LHFPL6: variants seen among roughly 807,000 people sequenced by gnomAD.
LHFPL6 encodes the protein LHFPL tetraspan subfamily member 6, also known as LHFPL tetraspan subfamily member 6 protein.
In LHFPL6, 9 loss-of-function variants were observed where a neutral mutation model predicts 20.6. The ratio of observed to expected loss-of-function variants is 0.44; its 90% CI spans 0.26 to 0.76. LHFPL6 has a LOEUF of 0.76. Ranked by LOEUF, LHFPL6 falls within the 30% of genes least tolerant of loss-of-function variation. LHFPL6 has a pLI of 0.20. For synonymous variants in LHFPL6, 105 were observed against 98.7 expected (o/e 1.06, Z -0.38); for missense variants, 218 against 253.5 (o/e 0.86, Z 0.95).
At chr13:39,526,680 C>T (rs1212001003) in intron 2 of LHFPL6, among the ~76,000 whole-genome samples, 1 of 152,168 alleles carries the variant, frequency 6.6e-6, no homozygotes, top group Non-Finnish European at 1.5e-5. Context: ...AACAGCATCT[C>T]CTGAAGTCAA....
intron 2 of LHFPL6, among the ~76,000 whole-genome samples, chr13:39,486,142 C>T (rs1022182899): frequency 7.9e-5 from 12 of 152,138 alleles, no homozygotes; most frequent in Non-Finnish European, 2.9e-5. Flanking sequence ...GCAGGTCTCA[C>T]TCTCTTTCTT....
In LHFPL6 at chr13:39,343,881, C is replaced by T. The variant is rs921758961; in HGVS notation, c.*55G>A. ...TTTGAAGGTAGGTGGATGTTTTGAC[C>T]TCTCCAAGCCCCTTTGGCCCATCTT... On this transcript the variant is annotated 3_prime_UTR_variant, in exon 4 of 4. Coordinates refer to ENST00000379589, the MANE Select transcript of LHFPL6 (RefSeq NM_005780.3). The T allele has an allele frequency of 5.1e-6, 7 of 1,364,124 alleles. No individual in the cohort carries two copies. In the African/African-American group the frequency reaches 7.1e-5, roughly 14 times the overall value. 84.5% of individuals were successfully genotyped at this position (1,364,124 alleles called of 1,614,324 possible). A position where few individuals can be genotyped will look rare whatever the true frequency, so the allele number is the denominator to read the frequency against.
At chr13:39,589,167 C>T (rs1457220955) in intron 2 of LHFPL6, among the ~76,000 whole-genome samples, 3 of 152,008 alleles carry the variant, frequency 2.0e-5, no homozygotes, top group South Asian at 2.1e-4. Flanking sequence ...AGTGCAGTGG[C>T]GCCACCTCGG....
chr13:39,554,331 CT>C (rs1401493015), intron 2 of LHFPL6, among the ~76,000 whole-genome samples: 2 of 152,114 alleles, frequency 1.3e-5, no homozygotes, highest in African/African-American at 4.8e-5. Context: ...ATTCTTTTGC[CT>C]CTTTAATATA....
intron 2 of LHFPL6, among the ~76,000 whole-genome samples, chr13:39,530,621 AC>A: frequency 6.6e-6 from 1 of 152,288 alleles, no homozygotes; most frequent in South Asian, 2.1e-4. Flanking sequence ...GGATAAAATA[AC>A]CATTGGATGA....
intron 2 of LHFPL6, among the ~76,000 whole-genome samples, chr13:39,507,048 G>A (rs1389825901): frequency 6.6e-6 from 1 of 152,140 alleles, no homozygotes; most frequent in South Asian, 2.1e-4. Flanking sequence ...AAAGCTGTTC[G>A]GGTTATCCAA....
intron 2 of LHFPL6, among the ~76,000 whole-genome samples, chr13:39,587,030 G>A (rs959886576): frequency 1.7e-4 from 26 of 152,122 alleles, no homozygotes; most frequent in Non-Finnish European, 3.2e-4. Context: ...GGTGGCATGC[G>A]CCTGTAATCC....
chr13:39,519,100 G>A (rs1377929122), intron 2 of LHFPL6, among the ~76,000 whole-genome samples: 9 of 152,168 alleles, frequency 5.9e-5, no homozygotes, highest in Admixed American at 1.3e-4. Flanking sequence ...GCAGGGCGTG[G>A]TGGTGAGCGC....
intron 2 of LHFPL6, among the ~76,000 whole-genome samples, chr13:39,419,531 A>G (rs377738517): frequency 9.8e-4 from 150 of 152,348 alleles, no homozygotes; most frequent in African/African-American, 3.4e-3. Flanking sequence ...GTGAAATAAG[A>G]GTTGAATTAG....
At chr13:39,523,953 G>GA (rs1003948294) in intron 2 of LHFPL6, among the ~76,000 whole-genome samples, 2 of 151,506 alleles carry the variant, frequency 1.3e-5, no homozygotes, top group African/African-American at 2.4e-5. Context: ...ACATTAAAAA[G>GA]AAAAAAAATG....
intron 3 of LHFPL6, among the ~76,000 whole-genome samples, chr13:39,376,643 A>AT (rs546768353): frequency 6.6e-6 from 1 of 152,046 alleles, no homozygotes; most frequent in African/African-American, 2.4e-5. Flanking sequence ...ATCTAACAGA[A>AT]TTTTTTTTCA....
intron 2 of LHFPL6, among the ~76,000 whole-genome samples, chr13:39,439,940 C>G (rs1006099497): frequency 6.6e-6 from 1 of 152,186 alleles, no homozygotes; most frequent in African/African-American, 2.4e-5. Flanking sequence ...TTAGGTGTTT[C>G]TTTATAGCAG....
chr13:39,529,619 G>T (rs1207407191), intron 2 of LHFPL6, among the ~76,000 whole-genome samples: 1 of 152,128 alleles, frequency 6.6e-6, no homozygotes, highest in Admixed American at 6.5e-5. Flanking sequence ...TAAGAGCAAA[G>T]AATAAACTTT....
intron 2 of LHFPL6, among the ~76,000 whole-genome samples, chr13:39,381,666 A>T (rs2138362749): frequency 6.6e-6 from 1 of 152,238 alleles, no homozygotes; most frequent in South Asian, 2.1e-4. Flanking sequence ...ATTACCCAAG[A>T]TGGCCATCAG....
chr13:39,485,500 G>A (rs1868694238), intron 2 of LHFPL6, among the ~76,000 whole-genome samples: 1 of 152,184 alleles, frequency 6.6e-6, no homozygotes, highest in African/African-American at 2.4e-5. Context: ...ATAAAGGACA[G>A]TTCAGTTTGT....
At chr13:39,475,697 C>T (rs1348738640) in intron 2 of LHFPL6, among the ~76,000 whole-genome samples, 2 of 152,102 alleles carry the variant, frequency 1.3e-5, no homozygotes, top group Non-Finnish European at 1.5e-5. Context: ...CACAGCTCTG[C>T]GGCCCAGGAG....
At chr13:39,499,997 T>C (rs1230416667) in intron 2 of LHFPL6, among the ~76,000 whole-genome samples, 1 of 152,198 alleles carries the variant, frequency 6.6e-6, no homozygotes, top group African/African-American at 2.4e-5. Context: ...AAAATCCAAA[T>C]GAGTTTATTC....
At chr13:39,407,146 C>T (rs1265283072) in intron 2 of LHFPL6, among the ~76,000 whole-genome samples, 4 of 152,132 alleles carry the variant, frequency 2.6e-5, no homozygotes, top group African/African-American at 7.2e-5. Flanking sequence ...TGTATTAATT[C>T]AAATTTATTT....
chr13:39,386,878 A>G (rs1566099740), intron 2 of LHFPL6, among the ~76,000 whole-genome samples: 1 of 152,212 alleles, frequency 6.6e-6, no homozygotes, highest in Non-Finnish European at 1.5e-5. Context: ...TCTGAAAGTC[A>G]AATCCCTTCT....
Sources: gnomAD v4.1 joint callset for allele counts (sites outside exome capture counted in the v4.1 genomes callset) on GRCh38, gnomAD v4.1.1 for gene constraint, MANE v1.5 for transcripts, NCBI Gene and HGNC (gene_info 2026-07-23, HGNC 2026-07-21) for gene names.